ASAP1: variants seen among roughly 807,000 people sequenced by gnomAD.
ASAP1 encodes ArfGAP with SH3 domain, ankyrin repeat and PH domain 1, also known as arf-GAP with SH3 domain, ANK repeat and PH domain-containing protein 1.
A neutral mutation model predicts 145.2 loss-of-function variants in ASAP1; 43 were observed. That is an observed-to-expected ratio of 0.30 (90% confidence interval 0.23 to 0.38). The LOEUF (loss-of-function observed/expected upper bound fraction) is 0.38. Ranked by LOEUF, ASAP1 falls within the 10% of genes least tolerant of loss-of-function variation. ASAP1 has a pLI of 1.00. For missense variants in ASAP1, 1,018 were observed against 1,355.3 expected, an observed-to-expected ratio of 0.75 and a Z score of 3.91; for synonymous variants, 546 against 515.5, an observed-to-expected ratio of 1.06 and a Z score of -0.80.
chr8:130,403,554 C>CTTTTTTTTTTTT (rs372481861), intron 1 of ASAP1, among the ~76,000 whole-genome samples: 27 of 125,382 alleles, frequency 2.2e-4, no homozygotes, highest in Non-Finnish European at 3.1e-4. Context: ...TTTTCTTTTT[C>CTTTTTTTTTTTT]TTTTTTTTTT....
At chr8:130,316,597 GC>G (rs1221655801) in intron 3 of ASAP1, among the ~76,000 whole-genome samples, 7 of 152,166 alleles carry the variant, frequency 4.6e-5, no homozygotes, top group African/African-American at 1.4e-4. Flanking sequence ...GCCCAATTTT[GC>G]CCTTCCATTT....
chr8:130,278,216 C>A (rs1277394079), intron 3 of ASAP1, among the ~76,000 whole-genome samples: 3 of 152,122 alleles, frequency 2.0e-5, no homozygotes, highest in Admixed American at 6.5e-5. Context: ...GTGTTACACA[C>A]GCTTTTCATT....
At chr8:130,080,075 G>T in intron 25 of ASAP1, 104 bp from the exon 26 acceptor site, 1 of 1,068,200 alleles carries the variant, frequency 9.4e-7, no homozygotes, top group Non-Finnish European at 1.4e-6. Context: ...GTTCCAGAAC[G>T]GCATTTAAAA....
intron 24 of ASAP1, among the ~76,000 whole-genome samples, chr8:130,106,240 C>A (rs1265055159): frequency 6.6e-6 from 1 of 152,168 alleles, no homozygotes; most frequent in Non-Finnish European, 1.5e-5. Context: ...AGGGTGACAG[C>A]CTATGAGAAG....
At chr8:130,283,583 G>GAAAAAAAAAAAAAAAAAAAAAAA (rs745389921) in intron 3 of ASAP1, among the ~76,000 whole-genome samples, 2 of 98,754 alleles carry the variant, frequency 2.0e-5, no homozygotes, top group African/African-American at 8.4e-5. Context: ...CTCCATCACA[G>GAAAAAAAAAAAAAAAAAAAAAAA]AAAGAAAAAA....
intron 3 of ASAP1, among the ~76,000 whole-genome samples, chr8:130,257,848 T>A (rs1819661316): frequency 1.4e-5 from 2 of 142,646 alleles, no homozygotes; most frequent in Admixed American, 1.4e-4. Flanking sequence ...CCATGTAACA[T>A]GTTAGTTATA....
intron 24 of ASAP1, among the ~76,000 whole-genome samples, chr8:130,094,999 G>A (rs760757747): frequency 6.6e-6 from 1 of 152,166 alleles, no homozygotes; most frequent in Non-Finnish European, 1.5e-5. Context: ...TGAGACTGTA[G>A]GAGAGATTAC....
At chr8:130,426,412 GA>G (rs56287696) in intron 1 of ASAP1, among the ~76,000 whole-genome samples, 2,332 of 138,670 alleles carry the variant, frequency 0.017, 21 homozygotes, top group Middle Eastern at 0.076. Flanking sequence ...CACTGGTTAG[GA>G]AAAAAAAAAA....
At chr8:130,130,849 G>A (rs1182950822) in intron 15 of ASAP1, among the ~76,000 whole-genome samples, 3 of 152,018 alleles carry the variant, frequency 2.0e-5, no homozygotes, top group Admixed American at 2.0e-4. Context: ...TTCAAGTCCA[G>A]CCTGGGCAAC....
chr8:130,218,847 C>CCA (rs1041665582), intron 4 of ASAP1, among the ~76,000 whole-genome samples: 4 of 124,152 alleles, frequency 3.2e-5, no homozygotes, highest in Admixed American at 8.3e-5. Flanking sequence ...TAGTCTCTTT[C>CCA]CATATATATA....
intron 4 of ASAP1, among the ~76,000 whole-genome samples, chr8:130,229,315 G>A (rs116352898): frequency 2.0e-5 from 3 of 152,308 alleles, no homozygotes; most frequent in African/African-American, 7.2e-5. Context: ...CTTGTTAGAG[G>A]TTGTCATGGC....
At chr8:130,288,601 G>A (rs1821761658) in intron 3 of ASAP1, among the ~76,000 whole-genome samples, 1 of 152,182 alleles carries the variant, frequency 6.6e-6, no homozygotes, top group Non-Finnish European at 1.5e-5. Flanking sequence ...CCTAAGCAGG[G>A]CAGTGTAGAG....
rs776456979 is a variant in ASAP1, at chr8:130,358,120, G to A, written c.83C>T (p.Ser28Leu). The change falls in exon 3 of 30, where the codon TCG becomes TTG. Residue 28 changes from serine (S) to leucine (L), a missense_variant. Ser to Leu is a moderately radical substitution (Grantham distance 145). Around this residue, in one of 9 missense-constraint regions of ASAP1, gnomAD observed 106 missense variants for 134.5 expected, o/e 0.79. Coordinates refer to ENST00000518721, the MANE Select transcript of ASAP1 (RefSeq NM_018482.4). This position sits in a 1 kb window ranked among gnomAD's most constrained non-coding sequence, Gnocchi z 4.1. ...CTCGGTGGTCTCGGCGATGAACTCC[G>A]AGACAGAGATCTGGTCCGGCATCCT... ...WNRMPDQISV[S>L]EFIAETTEDY... is the part of the protein sequence containing the mutation. 1 of 1,608,180 alleles carries A rather than the reference G, an allele frequency of 6.2e-7. No homozygotes were observed. The highest frequency in any genetic ancestry group is 1.1e-5 in the South Asian group (1 of 90,312).
chr8:130,311,312 G>A (rs551940801), intron 3 of ASAP1, among the ~76,000 whole-genome samples: 24 of 152,324 alleles, frequency 1.6e-4, no homozygotes, highest in African/African-American at 5.5e-4. Flanking sequence ...TATCCAAATA[G>A]GTGGTAATTT....
chr8:130,303,420 T>C (rs1385899585), intron 3 of ASAP1, among the ~76,000 whole-genome samples: 6 of 152,166 alleles, frequency 3.9e-5, no homozygotes, highest in African/African-American at 4.8e-5. Flanking sequence ...GGGTGTTTAG[T>C]AGCATCTTTG....
intron 1 of ASAP1, among the ~76,000 whole-genome samples, chr8:130,405,499 G>C (rs10103280): frequency 1.3e-5 from 2 of 151,950 alleles, no homozygotes; most frequent in Non-Finnish European, 2.9e-5. Flanking sequence ...TGCTGGGGTC[G>C]GGGGGAAGGC....
intron 11 of ASAP1, among the ~76,000 whole-genome samples, chr8:130,165,954 G>C (rs769393020): frequency 1.3e-5 from 2 of 152,120 alleles, no homozygotes; most frequent in Non-Finnish European, 2.9e-5. Context: ...TTGTGTGATA[G>C]TATTTAAAAA....
Position 130,054,667 on chromosome 8 carries a change from A to T in ASAP1, c.*64T>A, listed in dbSNP as rs1461142404. On this transcript the variant is annotated 3_prime_UTR_variant, in exon 30 of 30. Coordinates refer to ENST00000518721, the MANE Select transcript of ASAP1 (RefSeq NM_018482.4). ...CAGCAGCTATATACACACTGTGCCC[A>T]GGGTTACATGAAGGCAGCAGTCTTG... 2 of 1,422,590 alleles carry T rather than the reference A, an allele frequency of 1.4e-6. No individual in the cohort carries two copies. The highest frequency in any genetic ancestry group is 2.8e-5 in the African/African-American group (2 of 70,800). 88.1% of individuals were successfully genotyped at this position (1,422,590 alleles called of 1,614,324 possible).
At position 130,425,762 on chromosome 8, in the gene ASAP1, C is replaced by T. The variant is rs190979257; in HGVS notation, c.-28+17698G>A. Among the ~76,000 whole-genome samples, 121 of 152,286 alleles carry T rather than the reference C, an allele frequency of 7.9e-4. 1 individual carries two copies. Among genetic ancestry groups the T allele is most frequent in the Non-Finnish European group, 5.4e-4 (37 of 68,014 alleles). ...GGCACTGGGCTAGGTTTTAAGGACA[C>T]TTAAGAAAGAAGACACATTCCTGTT... is the stretch of plus-strand genomic sequence containing the variant. On this transcript the variant is annotated intron_variant, in intron 1 of 29. Transcript: ENST00000518721.
Sources: gnomAD v4.1 joint callset for allele counts (sites outside exome capture counted in the v4.1 genomes callset) on GRCh38, gnomAD v4.1.1 for gene constraint, gnomAD v4.1.1 regional missense constraint, Gnocchi (gnomAD v3.1) non-coding constraint, MANE v1.5 for transcripts, NCBI Gene and HGNC (gene_info 2026-07-23, HGNC 2026-07-21) for gene names.